Variants in MNAT1 observed in about 807,000 individuals in gnomAD.
MNAT1 encodes the protein MNAT1 component of CDK activating kinase.
A neutral mutation model predicts 42.0 loss-of-function variants in MNAT1; 43 were observed. The ratio of observed to expected loss-of-function variants is 1.02; its 90% confidence interval spans 0.80 to 1.32. MNAT1 has a LOEUF of 1.32. Ranked by LOEUF, MNAT1 falls within the 40% of genes most tolerant of loss-of-function variation. The pLI, the probability that MNAT1 is intolerant of heterozygous loss-of-function variation, is 0.00. For missense variants in MNAT1, 306 were observed against 350.4 expected (o/e 0.87, Z 1.01); for synonymous variants, 118 against 120.0 (o/e 0.98, Z 0.11).
chr14:60,955,790 C>T (rs894630751), intron 7 of MNAT1, among the ~76,000 whole-genome samples: 3 of 152,044 alleles, frequency 2.0e-5, no homozygotes, highest in Non-Finnish European at 2.9e-5. Context: ...TTTCTGAGTT[C>T]TCCAATTTAT....
intron 6 of MNAT1, among the ~76,000 whole-genome samples, chr14:60,877,457 C>A (rs1309039212): frequency 6.6e-6 from 1 of 151,992 alleles, no homozygotes. Context: ...ACTTTTAAGT[C>A]ATGACTTTTA....
At chr14:60,858,999 C>T (rs1206635374) in intron 6 of MNAT1, among the ~76,000 whole-genome samples, 2 of 152,146 alleles carry the variant, frequency 1.3e-5, no homozygotes. Context: ...GAAGTATGCC[C>T]ATATCTGCCT....
At chr14:60,813,169 G>T (rs2032607579) in intron 5 of MNAT1, among the ~76,000 whole-genome samples, 3 of 152,204 alleles carry the variant, frequency 2.0e-5, no homozygotes, top group Admixed American at 2.0e-4. Flanking sequence ...CTGGCTGTGG[G>T]CCCCACGTAG....
chr14:60,758,533 G>T lies in MNAT1; in HGVS notation c.89+23582G>T, dbSNP rs572803760. Reference sequence around the variant, plus strand: ...GGACTATTTCAACTGTCTCCTGGCCGAGGACTGCTTCAAGCTTAATTAACA... The same window carrying T: ...GGACTATTTCAACTGTCTCCTGGCCTAGGACTGCTTCAAGCTTAATTAACA... On this transcript the variant is annotated intron_variant, in intron 1 of 7. Coordinates refer to ENST00000261245, the MANE Select transcript of MNAT1 (RefSeq NM_002431.4). Among the ~76,000 whole-genome samples, 6 of 151,808 alleles carry T rather than the reference G, an allele frequency of 4.0e-5. 1 individual carries two copies. The East Asian group carries it at 7.8e-4, about 20-fold the overall frequency.
At chr14:60,750,557 CAAG>C (rs998705823) in intron 1 of MNAT1, among the ~76,000 whole-genome samples, 7 of 86,934 alleles carry the variant, frequency 8.1e-5, no homozygotes, top group East Asian at 3.4e-4. Flanking sequence ...TTTTTTGAAA[CAAG>C]GAGGAAAAGG....
intron 1 of MNAT1, chr14:60,780,493 A>G (rs2031418823): frequency 6.6e-7 from 1 of 1,511,514 alleles, no homozygotes; most frequent in Non-Finnish European, 9.2e-7. Flanking sequence ...AGTCGGGACC[A>G]CAGTTTATTA....
intron 6 of MNAT1, among the ~76,000 whole-genome samples, chr14:60,856,647 A>G (rs2033965392): frequency 6.6e-6 from 1 of 151,366 alleles, no homozygotes; most frequent in Non-Finnish European, 1.5e-5. Context: ...AGGCTAATGC[A>G]GCTGGTGACT....
At chr14:60,941,553 A>G (rs951821651) in intron 7 of MNAT1, among the ~76,000 whole-genome samples, 1 of 152,054 alleles carries the variant, frequency 6.6e-6, no homozygotes, top group African/African-American at 2.4e-5. Flanking sequence ...TTAAAGAACA[A>G]AACTTAGCCA....
At chr14:60,901,481 T>C (rs2035071553) in intron 7 of MNAT1, among the ~76,000 whole-genome samples, 2 of 152,224 alleles carry the variant, frequency 1.3e-5, no homozygotes, top group Non-Finnish European at 2.9e-5. Context: ...ATATGTTTCA[T>C]AGTGCTATAG....
intron 1 of MNAT1, among the ~76,000 whole-genome samples, chr14:60,765,728 T>C (rs1170657744): frequency 6.6e-6 from 1 of 152,148 alleles, no homozygotes; most frequent in East Asian, 1.9e-4. Flanking sequence ...CTTCTATTTA[T>C]GGTTAGACTG....
intron 6 of MNAT1, among the ~76,000 whole-genome samples, chr14:60,868,999 T>G (rs2034264405): frequency 6.8e-6 from 1 of 147,774 alleles, no homozygotes; most frequent in South Asian, 2.1e-4. Flanking sequence ...ACATGACAAC[T>G]TTTTTATATT....
intron 7 of MNAT1, among the ~76,000 whole-genome samples, chr14:60,957,086 GTCTT>G (rs1022910953): frequency 7.9e-5 from 12 of 152,136 alleles, no homozygotes; most frequent in Admixed American, 7.2e-4. Context: ...TTTTCTTGCT[GTCTT>G]TCTTTGTGAT....
chr14:60,877,192 C>G (rs967356771), intron 6 of MNAT1, among the ~76,000 whole-genome samples: 5 of 152,006 alleles, frequency 3.3e-5, no homozygotes, highest in African/African-American at 1.2e-4. Flanking sequence ...GCCCTAATGA[C>G]TAGTGATATT....
chr14:60,872,865 C>T (rs2034357805), intron 6 of MNAT1, among the ~76,000 whole-genome samples: 1 of 147,112 alleles, frequency 6.8e-6, no homozygotes, highest in African/African-American at 2.6e-5. Flanking sequence ...CACACACACA[C>T]ACACATATAT....
intron 1 of MNAT1, among the ~76,000 whole-genome samples, chr14:60,777,571 A>C (rs1282499151): frequency 1.3e-5 from 2 of 151,908 alleles, no homozygotes; most frequent in South Asian, 2.1e-4. Flanking sequence ...CTTTACCTTC[A>C]TATTGGATGT....
chr14:60,762,575 G>A (rs531681351), intron 1 of MNAT1, among the ~76,000 whole-genome samples: 1 of 151,944 alleles, frequency 6.6e-6, no homozygotes, highest in South Asian at 2.1e-4. Context: ...GCATGGTGGT[G>A]GATGCCTGTA....
At chr14:60,899,620 A>G (rs2035031178) in intron 7 of MNAT1, among the ~76,000 whole-genome samples, 1 of 152,218 alleles carries the variant, frequency 6.6e-6, no homozygotes, top group Admixed American at 6.5e-5. Flanking sequence ...TTGTGTGGCC[A>G]TAGACTGCAT....
At chr14:60,763,554 C>T (rs1214680973) in intron 1 of MNAT1, among the ~76,000 whole-genome samples, 2 of 151,966 alleles carry the variant, frequency 1.3e-5, no homozygotes, top group Non-Finnish European at 2.9e-5. Context: ...GGTTAGAGAC[C>T]TTAATGTTCT....
In MNAT1 at chr14:60,969,956, C is replaced by G. The variant is rs2139634032; in HGVS notation, c.*1607C>G. 6.6e-6 allele frequency: 1 copy of G among 152,294 alleles called. No individual in the cohort carries two copies. The highest frequency in any genetic ancestry group is 6.5e-5 in the Admixed American group (1 of 15,294). 9.4% of individuals were successfully genotyped at this position (152,294 alleles called of 1,614,324 possible). Reference sequence around the variant, plus strand: ...GCAAATAAATTCCAAAACCTTTATACATTTGTAAATATTTTGTAGTTGCTA... The same window carrying G: ...GCAAATAAATTCCAAAACCTTTATAGATTTGTAAATATTTTGTAGTTGCTA... On this transcript the variant is annotated 3_prime_UTR_variant, in exon 8 of 8. Coordinates refer to ENST00000261245, the MANE Select transcript of MNAT1 (RefSeq NM_002431.4).
Sources: gnomAD v4.1 joint callset for allele counts (sites outside exome capture counted in the v4.1 genomes callset) on GRCh38, gnomAD v4.1.1 for gene constraint, MANE v1.5 for transcripts, NCBI Gene and HGNC (gene_info 2026-07-23, HGNC 2026-07-21) for gene names.